The following KCNN2 variants were observed in gnomAD, a reference collection of about 807,000 sequenced individuals.
The protein encoded by KCNN2 is potassium calcium-activated channel subfamily N member 2, also known as small conductance calcium-activated potassium channel protein 2.
A neutral mutation model predicts 55.5 loss-of-function variants in KCNN2; 24 were observed. The observed-to-expected ratio is 0.43, with a 90% confidence interval of 0.31 to 0.61. The LOEUF (loss-of-function observed/expected upper bound fraction) is 0.61. KCNN2 is among the 20% of genes least tolerant of loss of function. The pLI is 0.08. For synonymous variants in KCNN2, 431 were observed against 336.1 expected, an observed-to-expected ratio of 1.28 and a Z score of -3.09; for missense variants, 754 against 853.6, an observed-to-expected ratio of 0.88 and a Z score of 1.45.
chr5:114,459,477 C>T (rs890196934), intron 3 of KCNN2, among the ~76,000 whole-genome samples: 1 of 152,166 alleles, frequency 6.6e-6, no homozygotes, highest in African/African-American at 2.4e-5. Flanking sequence ...TGATGTGAAT[C>T]TGTCATAGAT....
At chr5:114,369,321 T>C (rs1278771839) in intron 2 of KCNN2, among the ~76,000 whole-genome samples, 1 of 152,226 alleles carries the variant, frequency 6.6e-6, no homozygotes, top group East Asian at 1.9e-4. Flanking sequence ...TATTTTGTAA[T>C]ATCAGTGCGT....
chr5:114,195,891 G>A (rs1178881600), intron 1 of KCNN2, among the ~76,000 whole-genome samples: 1 of 151,960 alleles, frequency 6.6e-6, no homozygotes, highest in Non-Finnish European at 1.5e-5. Flanking sequence ...GGTTTATCAT[G>A]AGTGAGTATT....
chr5:114,405,926 G>T (rs1282620589), intron 3 of KCNN2, among the ~76,000 whole-genome samples: 3 of 151,806 alleles, frequency 2.0e-5, no homozygotes, highest in African/African-American at 7.3e-5. Flanking sequence ...TAGCTGGGAT[G>T]GTCTCAATCT....
At chr5:114,102,139 A>G (rs1438682037) in intron 1 of KCNN2, among the ~76,000 whole-genome samples, 1 of 152,128 alleles carries the variant, frequency 6.6e-6, no homozygotes, top group Non-Finnish European at 1.5e-5. Context: ...CTGGCATGAG[A>G]TGATATCTCA....
At chr5:114,124,468 G>GC (rs1313366935) in intron 1 of KCNN2, among the ~76,000 whole-genome samples, 18 of 151,960 alleles carry the variant, frequency 1.2e-4, no homozygotes, top group East Asian at 1.9e-4. Flanking sequence ...ACCATGATCT[G>GC]CCCCCCCTGG....
Position 114,200,646 on chromosome 5 carries a change from G to A in KCNN2, c.-270-20834G>A, listed in dbSNP as rs574979161. Reference sequence around the variant, plus strand: ...TGTACATCTGGTATAGCTGTCACTCGTTCCATTTTTTTTTTCAAATTGCTT... The same window carrying A: ...TGTACATCTGGTATAGCTGTCACTCATTCCATTTTTTTTTTCAAATTGCTT... On this transcript the variant is annotated intron_variant, in intron 1 of 10. Coordinates refer to the KCNN2 transcript ENST00000512097. 1.7e-4 allele frequency among the ~76,000 whole-genome samples: 26 copies of A among 151,082 alleles called. No individual in the cohort carries two copies. In the South Asian group the frequency reaches 3.1e-3, roughly 18 times the overall value.
intron 1 of KCNN2, among the ~76,000 whole-genome samples, chr5:114,188,748 T>C (rs1028461800): frequency 4.6e-5 from 7 of 152,018 alleles, no homozygotes; most frequent in Non-Finnish European, 1.0e-4. Flanking sequence ...AAAAAATGTA[T>C]AGAAATTGTA....
At chr5:114,231,709 A>G (rs1754365824) in intron 2 of KCNN2, among the ~76,000 whole-genome samples, 1 of 151,202 alleles carries the variant, frequency 6.6e-6, no homozygotes. Context: ...TATGACAGCC[A>G]ATTAAGGGAA....
intron 2 of KCNN2, among the ~76,000 whole-genome samples, chr5:114,249,498 G>A (rs1044121728): frequency 6.6e-6 from 1 of 151,724 alleles, no homozygotes. Flanking sequence ...TGTTGGCCAG[G>A]CTGATCTCGA....
At chr5:114,238,298 TTC>T (rs1297539427) in intron 2 of KCNN2, among the ~76,000 whole-genome samples, 7 of 152,236 alleles carry the variant, frequency 4.6e-5, no homozygotes, top group Non-Finnish European at 8.8e-5. Context: ...AGACCTCTAA[TTC>T]TCTTTTTTTA....
chr5:114,291,222 G>T (rs1029973283), intron 2 of KCNN2, among the ~76,000 whole-genome samples: 1 of 151,552 alleles, frequency 6.6e-6, no homozygotes, highest in Admixed American at 6.6e-5. Context: ...AAGTTTTAGG[G>T]TACATGTGCA....
At chr5:114,370,851 C>G (rs543704938) in intron 2 of KCNN2, among the ~76,000 whole-genome samples, 6 of 152,030 alleles carry the variant, frequency 3.9e-5, no homozygotes, top group Non-Finnish European at 8.8e-5. Context: ...GTGGGAAAGT[C>G]AGTAAAGAGT....
chr5:114,182,336 C>T (rs1446694495), intron 1 of KCNN2, among the ~76,000 whole-genome samples: 1 of 151,874 alleles, frequency 6.6e-6, no homozygotes, highest in Non-Finnish European at 1.5e-5. Flanking sequence ...GTCCTTGAAC[C>T]TTATCTTTTA....
At chr5:114,059,661 T>G (rs574599158) in intron 1 of KCNN2, among the ~76,000 whole-genome samples, 81 of 152,288 alleles carry the variant, frequency 5.3e-4, no homozygotes, top group African/African-American at 1.9e-3. Flanking sequence ...TTGTTTTCAA[T>G]CCCTCTTTGG....
intron 3 of KCNN2, among the ~76,000 whole-genome samples, chr5:114,406,420 G>A (rs1758935885): frequency 6.6e-6 from 1 of 150,540 alleles, no homozygotes; most frequent in African/African-American, 2.4e-5. Context: ...CTATCTCCCA[G>A]TAAGATATAT....
intron 3 of KCNN2, among the ~76,000 whole-genome samples, chr5:114,450,872 AC>A (rs1339140777): frequency 1.3e-5 from 2 of 152,256 alleles, no homozygotes; most frequent in Non-Finnish European, 2.9e-5. Flanking sequence ...ATTACATATA[AC>A]AAAAACCTGT....
chr5:114,330,045 T>C (rs934646049), intron 2 of KCNN2, among the ~76,000 whole-genome samples: 1 of 152,156 alleles, frequency 6.6e-6, no homozygotes, highest in Non-Finnish European at 1.5e-5. Flanking sequence ...CTGGCTCTCT[T>C]AGACACCAAA....
intron 2 of KCNN2, among the ~76,000 whole-genome samples, chr5:114,273,510 C>T (rs1316807927): frequency 1.3e-5 from 2 of 152,174 alleles, no homozygotes; most frequent in Admixed American, 6.5e-5. Context: ...TCCTCTCCAG[C>T]ATCTATTGTT....
At chr5:114,119,751 A>G (rs1751788534) in intron 1 of KCNN2, among the ~76,000 whole-genome samples, 2 of 152,266 alleles carry the variant, frequency 1.3e-5, no homozygotes, top group South Asian at 4.1e-4. Context: ...AAAATCGCAT[A>G]TGATATTCTT....
Sources: allele counts gnomAD v4.1 joint callset (sites outside exome capture counted in the v4.1 genomes callset), GRCh38; gene constraint gnomAD v4.1.1; transcripts MANE v1.5; gene names NCBI Gene and HGNC (gene_info 2026-07-23, HGNC 2026-07-21).